Variants in GPM6A observed in about 807,000 individuals in gnomAD.
The protein encoded by GPM6A is glycoprotein M6A, also known as neuronal membrane glycoprotein M6-a.
Under a neutral mutation model 32.1 loss-of-function variants are expected in GPM6A, and 7 were observed. The observed-to-expected ratio is 0.22, with a 90% CI of 0.12 to 0.41. GPM6A has a LOEUF of 0.41. GPM6A is among the 10% of genes least tolerant of loss of function. The pLI is 1.00. For missense variants in GPM6A, 235 were observed against 347.2 expected, an observed-to-expected ratio of 0.68 and a Z score of 2.57; for synonymous variants, 130 against 123.4, an observed-to-expected ratio of 1.05 and a Z score of -0.35.
chr4:175,858,531 CAAAAAAA>C (rs527607150), intron 1 of GPM6A, among the ~76,000 whole-genome samples: 1,675 of 111,010 alleles, frequency 0.015, 17 homozygotes, highest in Non-Finnish European at 0.025. Flanking sequence ...AACTCTGTTT[CAAAAAAA>C]AAAAAAAGAA....
At chr4:175,942,743 GT>G (rs1739453522) in intron 1 of GPM6A, among the ~76,000 whole-genome samples, 1 of 152,140 alleles carries the variant, frequency 6.6e-6, no homozygotes, top group East Asian at 1.9e-4. Context: ...CTATATATCT[GT>G]TTTGGTACCA....
Position 175,878,725 on chromosome 4 carries a change from G to A in GPM6A, c.-22-66476C>T, listed in dbSNP as rs146964020. Among the ~76,000 whole-genome samples, 12 of 152,258 alleles carry A rather than the reference G, an allele frequency of 7.9e-5. No individual in the cohort carries two copies. The East Asian group carries it at 2.3e-3, about 29-fold the overall frequency. ...TGGGAGCATTTTCCCCATGGTCTGG[G>A]TGGTTAACATTTGTCTCCTCATTAC... On this transcript the variant is annotated intron_variant, in intron 1 of 7. Transcript: ENST00000280187.
chr4:175,971,270 G>GAA (rs146658517), intron 1 of GPM6A, among the ~76,000 whole-genome samples: 9,096 of 131,944 alleles, frequency 0.069, 970 homozygotes, highest in African/African-American at 0.23. Flanking sequence ...TATCTTCCGT[G>GAA]AAAAAAAAAA....
At chr4:175,876,999 C>T (rs1248891239) in intron 1 of GPM6A, among the ~76,000 whole-genome samples, 1 of 152,180 alleles carries the variant, frequency 6.6e-6, no homozygotes, top group African/African-American at 2.4e-5. Flanking sequence ...TCACTTATCC[C>T]TCCTCTGGCA....
intron 3 of GPM6A, among the ~76,000 whole-genome samples, chr4:175,671,065 T>G (rs1220117594): frequency 6.6e-6 from 1 of 151,996 alleles, no homozygotes. Context: ...GGTTTCACTA[T>G]GTTGACCATG....
intron 1 of GPM6A, among the ~76,000 whole-genome samples, chr4:175,753,073 A>G (rs1437214759): frequency 6.6e-6 from 1 of 152,204 alleles, no homozygotes; most frequent in Non-Finnish European, 1.5e-5. Flanking sequence ...GGATGAATTC[A>G]TTTCCAGAGA....
chr4:175,685,082 G>A (rs987777505), intron 2 of GPM6A, among the ~76,000 whole-genome samples: 1 of 151,876 alleles, frequency 6.6e-6, no homozygotes, highest in African/African-American at 2.4e-5. Context: ...GTAGAGACGG[G>A]GTTTCACCAC....
intron 1 of GPM6A, among the ~76,000 whole-genome samples, chr4:175,922,479 T>C (rs1033207173): frequency 2.4e-4 from 37 of 152,328 alleles, no homozygotes; most frequent in African/African-American, 8.4e-4. Context: ...AATTACCTTA[T>C]TCTTGTATGT....
intron 1 of GPM6A, among the ~76,000 whole-genome samples, chr4:175,724,571 G>T (rs1397913763): frequency 6.6e-6 from 1 of 152,050 alleles, no homozygotes; most frequent in Admixed American, 6.6e-5. Context: ...TTAACTTATA[G>T]AATCAGAGAG....
intron 1 of GPM6A, among the ~76,000 whole-genome samples, chr4:175,828,830 A>G (rs1735516943): frequency 6.6e-6 from 1 of 151,780 alleles, no homozygotes; most frequent in Admixed American, 6.5e-5. Context: ...TCTTTTAATG[A>G]TATAAAATAT....
chr4:175,989,124 A>G (rs1010365726), intron 1 of GPM6A, among the ~76,000 whole-genome samples: 1 of 152,188 alleles, frequency 6.6e-6, no homozygotes, highest in Admixed American at 6.6e-5. Context: ...CCACATATCA[A>G]TTAAAGAAGG....
chr4:175,659,301 A>G (rs1398124626), intron 3 of GPM6A, among the ~76,000 whole-genome samples: 1 of 152,126 alleles, frequency 6.6e-6, no homozygotes, highest in South Asian at 2.1e-4. Flanking sequence ...GCTGGTCACA[A>G]ACTCCTGAGC....
chr4:175,914,487 T>C (rs1046739150), intron 1 of GPM6A, among the ~76,000 whole-genome samples: 5 of 152,108 alleles, frequency 3.3e-5, no homozygotes, highest in African/African-American at 1.2e-4. Context: ...CACGACCAGT[T>C]AATTTTTGTA....
At chr4:175,733,492 G>A (rs1731521963) in intron 1 of GPM6A, among the ~76,000 whole-genome samples, 1 of 152,090 alleles carries the variant, frequency 6.6e-6, no homozygotes, top group Non-Finnish European at 1.5e-5. Flanking sequence ...GACAGAGCAA[G>A]ACGCTGTCTC....
intron 1 of GPM6A, among the ~76,000 whole-genome samples, chr4:175,919,932 T>C (rs1053411930): frequency 6.6e-6 from 1 of 152,208 alleles, no homozygotes; most frequent in Non-Finnish European, 1.5e-5. Flanking sequence ...ATGGTTCAAA[T>C]CATTATCTCC....
intron 1 of GPM6A, among the ~76,000 whole-genome samples, chr4:175,977,966 A>G (rs888947661): frequency 6.6e-6 from 1 of 152,198 alleles, no homozygotes; most frequent in Non-Finnish European, 1.5e-5. Flanking sequence ...TCCTACTTCA[A>G]TGCTGTCAGG....
At chr4:176,001,613 T>C (rs1741483705) in intron 1 of GPM6A, among the ~76,000 whole-genome samples, 2 of 152,152 alleles carry the variant, frequency 1.3e-5, no homozygotes. Context: ...GAAGCTGAAC[T>C]GCGCCGAACT....
intron 3 of GPM6A, among the ~76,000 whole-genome samples, chr4:175,666,776 GATGACAACAGTTA>G (rs1300981892): frequency 5.9e-5 from 9 of 152,154 alleles, no homozygotes; most frequent in Non-Finnish European, 1.5e-5. Context: ...TAATCACATT[GATGACAACAGTTA>G]ATGTGAATGA....
In GPM6A at chr4:175,962,248, A is replaced by T. The variant is rs1487802327; in HGVS notation, c.-23+40061T>A. 4.4e-6 allele frequency: 6 copies of T among 1,356,054 alleles called. No individual in the cohort carries two copies. In the East Asian group the frequency reaches 1.4e-4, roughly 31 times the overall value. The allele number at this position is 1,356,054 out of a possible 1,614,324, so 84.0% of individuals were successfully genotyped here. A position where few individuals can be genotyped will look rare whatever the true frequency, so the allele number is the denominator to read the frequency against. On this transcript the variant is annotated intron_variant, in intron 1 of 7. Transcript: ENST00000280187. ...GAACAAGAGAACATTGACCTCCTAT[A>T]TGTCATTGAAAACTCAAATGCCTTT...
Sources: allele counts gnomAD v4.1 joint callset (sites outside exome capture counted in the v4.1 genomes callset), GRCh38; gene constraint gnomAD v4.1.1; transcripts MANE v1.5; gene names NCBI Gene and HGNC (gene_info 2026-07-23, HGNC 2026-07-21).